GRM7: variants seen among roughly 807,000 people sequenced by gnomAD.
The protein encoded by GRM7 is metabotropic glutamate receptor 7.
Under a neutral mutation model 84.5 loss-of-function variants are expected in GRM7, and 35 were observed. That is an observed-to-expected ratio of 0.41 (90% CI 0.32 to 0.55). GRM7 has a LOEUF of 0.55. GRM7 is among the 20% of genes least tolerant of loss of function. The pLI is 0.19. For missense variants in GRM7, 1,003 were observed against 1,194.6 expected, an observed-to-expected ratio of 0.84 and a Z score of 2.36; for synonymous variants, 487 against 455.1, an observed-to-expected ratio of 1.07 and a Z score of -0.89.
intron 2 of GRM7, among the ~76,000 whole-genome samples, chr3:7,193,607 A>T (rs899013025): frequency 5.3e-5 from 8 of 151,850 alleles, no homozygotes; most frequent in Non-Finnish European, 1.2e-4. Flanking sequence ...TAAAACATCT[A>T]TGATGTCTAA....
chr3:7,092,638 C>A lies in GRM7; in HGVS notation c.520-53814C>A, dbSNP rs558899891. Reference sequence around the variant, plus strand: ...ATTTAGATTAAAAGTCACTTGAGATCCTGAAGCAGTAGAGGGCTCCGGTAT... The same window carrying A: ...ATTTAGATTAAAAGTCACTTGAGATACTGAAGCAGTAGAGGGCTCCGGTAT... On this transcript the variant is annotated intron_variant, in intron 1 of 9. Coordinates refer to ENST00000357716, the MANE Select transcript of GRM7 (RefSeq NM_000844.4). 5.9e-5 allele frequency among the ~76,000 whole-genome samples: 9 copies of A among 151,946 alleles called. No individual in the cohort carries two copies. In the South Asian group the frequency reaches 1.9e-3, roughly 32 times the overall value.
At chr3:7,666,970 T>G (rs990921723) in intron 8 of GRM7, among the ~76,000 whole-genome samples, 1 of 152,142 alleles carries the variant, frequency 6.6e-6, no homozygotes, top group Non-Finnish European at 1.5e-5. Context: ...GAATGCCCTA[T>G]TTTTGACATT....
intron 1 of GRM7, among the ~76,000 whole-genome samples, chr3:7,037,292 T>A (rs1295312061): frequency 6.6e-6 from 1 of 152,202 alleles, no homozygotes; most frequent in Non-Finnish European, 1.5e-5. Flanking sequence ...GTGGCTTTTG[T>A]CGTTACTTTT....
At chr3:7,485,641 A>C (rs529106033) in intron 7 of GRM7, among the ~76,000 whole-genome samples, 1 of 152,256 alleles carries the variant, frequency 6.6e-6, no homozygotes. Flanking sequence ...CCAAAATATC[A>C]GAAGGTACTT....
rs541860619 is a variant in GRM7, at chr3:7,460,487, G to A, written c.1376-1096G>A. 3.9e-5 allele frequency among the ~76,000 whole-genome samples: 6 copies of A among 152,164 alleles called. No individual in the cohort carries two copies. In the East Asian group the frequency reaches 1.2e-3, roughly 29 times the overall value. On this transcript the variant is annotated intron_variant, in intron 6 of 9. Coordinates refer to ENST00000357716, the MANE Select transcript of GRM7 (RefSeq NM_000844.4). ...CATTGCTTTGGTGCCATCAATTTGG[G>A]TCAATGGCTGAATCTGTGTGTGGCC...
At chr3:7,013,414 A>G (rs1301724256) in intron 1 of GRM7, among the ~76,000 whole-genome samples, 1 of 152,126 alleles carries the variant, frequency 6.6e-6, no homozygotes. Flanking sequence ...CAAACTCCAG[A>G]TATCATATTA....
intron 1 of GRM7, among the ~76,000 whole-genome samples, chr3:6,944,388 T>G (rs540869154): frequency 1.2e-4 from 18 of 152,230 alleles, no homozygotes; most frequent in African/African-American, 4.3e-4. Flanking sequence ...TTATCAGGAA[T>G]GGATGTTGGT....
At chr3:7,099,432 A>G (rs2125018467) in intron 1 of GRM7, among the ~76,000 whole-genome samples, 1 of 149,408 alleles carries the variant, frequency 6.7e-6, no homozygotes, top group East Asian at 2.0e-4. Flanking sequence ...GTATATACGT[A>G]TACATTATAC....
intron 4 of GRM7, among the ~76,000 whole-genome samples, chr3:7,405,774 T>C (rs1695649088): frequency 6.6e-6 from 1 of 152,104 alleles, no homozygotes; most frequent in Non-Finnish European, 1.5e-5. Context: ...TTTTGCTTTA[T>C]AGATGTATAA....
chr3:7,039,113 A>G (rs547968115), intron 1 of GRM7, among the ~76,000 whole-genome samples: 1 of 152,322 alleles, frequency 6.6e-6, no homozygotes, highest in African/African-American at 2.4e-5. Flanking sequence ...TTAAAAAATA[A>G]TAATAAAGCA....
chr3:7,242,282 A>G (rs1810320), intron 2 of GRM7, among the ~76,000 whole-genome samples: 124,976 of 152,152 alleles, frequency 0.82, 51,712 homozygotes, highest in East Asian at 0.98. Flanking sequence ...TTTACAGGGT[A>G]TGTACCTTAA....
chr3:7,203,448 A>G (rs563367378), intron 2 of GRM7, among the ~76,000 whole-genome samples: 4 of 152,240 alleles, frequency 2.6e-5, no homozygotes, highest in East Asian at 1.9e-4. Context: ...GTGTGTGTAT[A>G]TATAGATATA....
At chr3:7,099,981 C>T (rs1699054452) in intron 1 of GRM7, among the ~76,000 whole-genome samples, 1 of 147,228 alleles carries the variant, frequency 6.8e-6, no homozygotes, top group Non-Finnish European at 1.5e-5. Context: ...TATATAATTG[C>T]ATATGTACAT....
intron 1 of GRM7, among the ~76,000 whole-genome samples, chr3:6,935,967 C>T (rs953552773): frequency 7.0e-4 from 107 of 152,150 alleles, no homozygotes; most frequent in Admixed American, 5.2e-3. Context: ...CCTCGGACTC[C>T]CTGATTGCTG....
chr3:7,546,104 T>A (rs1693132903), intron 7 of GRM7, among the ~76,000 whole-genome samples: 1 of 152,174 alleles, frequency 6.6e-6, no homozygotes, highest in Non-Finnish European at 1.5e-5. Flanking sequence ...AAAGTGTCCA[T>A]TACTTTTAAT....
intron 7 of GRM7, among the ~76,000 whole-genome samples, chr3:7,517,664 AT>A (rs1340533831): frequency 6.6e-6 from 1 of 152,156 alleles, no homozygotes. Context: ...AAGTGCTGGG[AT>A]TAGAGGCATG....
At chr3:7,210,936 C>T (rs929878846) in intron 2 of GRM7, among the ~76,000 whole-genome samples, 11 of 152,056 alleles carry the variant, frequency 7.2e-5, no homozygotes, top group Middle Eastern at 6.8e-3. Context: ...AAATGAAAAT[C>T]ACTTATTAAA....
chr3:7,579,455 TA>T (rs1695136989), intron 8 of GRM7, 98 bp downstream of exon 8: 2 of 686,146 alleles, frequency 2.9e-6, no homozygotes, highest in South Asian at 4.2e-5. Flanking sequence ...AAGTTTCGTA[TA>T]TGCAGAATGG....
intron 8 of GRM7, among the ~76,000 whole-genome samples, chr3:7,668,799 A>G (rs1699808606): frequency 6.6e-6 from 1 of 152,230 alleles, no homozygotes; most frequent in Non-Finnish European, 1.5e-5. Context: ...GATTTCTCAA[A>G]TGAGTGAGGA....
Sources: gnomAD v4.1 joint callset for allele counts (sites outside exome capture counted in the v4.1 genomes callset) on GRCh38, gnomAD v4.1.1 for gene constraint, MANE v1.5 for transcripts, NCBI Gene and HGNC (gene_info 2026-07-23, HGNC 2026-07-21) for gene names.